Variants in ABCA1 observed in about 807,000 individuals in gnomAD.
ABCA1 encodes ATP binding cassette subfamily A member 1, also known as phospholipid-transporting ATPase ABCA1.
ABCA1 carries 133 observed loss-of-function variants against 262.5 expected under a neutral mutation model. The ratio of observed to expected loss-of-function variants is 0.51; its 90% CI spans 0.44 to 0.59. The LOEUF is 0.59. Among genes scored for constraint, ABCA1 ranks in the 20% least tolerant of loss-of-function variants. The pLI, the probability that ABCA1 is intolerant of heterozygous loss-of-function variation, is 0.00. For synonymous variants in ABCA1, 1,022 were observed against 1,043.5 expected (o/e 0.98, Z 0.40); for missense variants, 2,452 against 2,777.5 (o/e 0.88, Z 2.63).
At chr9:104,899,085 T>C (rs897248314) in intron 2 of ABCA1, among the ~76,000 whole-genome samples, 1 of 152,238 alleles carries the variant, frequency 6.6e-6, no homozygotes, top group African/African-American at 2.4e-5. Flanking sequence ...AGATGCTTAA[T>C]AGATATTTAT....
chr9:104,843,294 T>C (rs1320363354), intron 8 of ABCA1, among the ~76,000 whole-genome samples: 5 of 152,224 alleles, frequency 3.3e-5, no homozygotes, highest in Non-Finnish European at 7.3e-5. Context: ...TGGTCGGTGC[T>C]GGGTGGACAT....
At chr9:104,797,070 C>T (rs1188461812) in intron 37 of ABCA1, among the ~76,000 whole-genome samples, 1 of 152,178 alleles carries the variant, frequency 6.6e-6, no homozygotes, top group African/African-American at 2.4e-5. Flanking sequence ...TCAGTCCAAT[C>T]CTACTTGATG....
At position 104,883,178 on chromosome 9, in the gene ABCA1, G is replaced by C. The variant is rs1317929271; in HGVS notation, c.303-21C>G. On this transcript the variant is annotated intron_variant, in intron 4 of 49. Coordinates refer to ENST00000374736, the MANE Select transcript of ABCA1 (RefSeq NM_005502.4). The stretch of plus-strand genomic sequence containing the variant: ...CCACACTGTAAAGGGTGCAAGAAAA[G>C]GCGAAAGGCTTTAGCTAGGCCAACT... The C allele has an allele frequency of 1.9e-6, 3 of 1,602,340 alleles. No homozygotes were observed. In the East Asian group the frequency reaches 6.7e-5, roughly 36 times the overall value.
In ABCA1 at chr9:104,919,271, A is replaced by C. The variant is rs1460665176; in HGVS notation, c.-93+8664T>G. On this transcript the variant is annotated intron_variant, in intron 1 of 49. Transcript: ENST00000374736. The stretch of plus-strand genomic sequence containing the variant: ...GATGAATGAGCCTGAAGAGTTGGTT[A>C]TGGTTTCCTTTCATCACCTATTGGC... Among the ~76,000 whole-genome samples, 8 of 152,160 alleles carry C rather than the reference A, an allele frequency of 5.3e-5. No homozygotes were observed. The East Asian group carries it at 1.3e-3, about 26-fold the overall frequency.
At chr9:104,885,420 A>C (rs1839078851) in intron 3 of ABCA1, among the ~76,000 whole-genome samples, 1 of 152,108 alleles carries the variant, frequency 6.6e-6, no homozygotes, top group Admixed American at 6.5e-5. Flanking sequence ...TCCATCTGCC[A>C]AACATTTGTC....
chr9:104,843,423 C>T (rs1049603183), intron 8 of ABCA1, among the ~76,000 whole-genome samples: 1 of 152,174 alleles, frequency 6.6e-6, no homozygotes, highest in Non-Finnish European at 1.5e-5. Context: ...TCTGCTAGTG[C>T]GTATTTTCTT....
intron 39 of ABCA1, 40 bp downstream of exon 39, chr9:104,796,013 A>T: frequency 6.2e-7 from 1 of 1,611,900 alleles, no homozygotes; most frequent in Non-Finnish European, 8.5e-7. Flanking sequence ...GCTCCCAGAG[A>T]TGCTCATCCC....
At position 104,831,027 on chromosome 9, in the gene ABCA1, T is replaced by A. The variant is rs2853578; in HGVS notation, c.1790A>T (p.Gln597Leu). Residue 597 changes from glutamine to leucine, a missense_variant, in exon 14 of 50, where the codon CAG (glutamine) becomes CTG (leucine). Coordinates refer to ENST00000374736, the MANE Select transcript of ABCA1 (RefSeq NM_005502.4). ...RYVWGGFAYL[Q>L]DVVEQAIIRV... The stretch of plus-strand genomic sequence containing the variant: ...GATGATTGCCTGCTCCACCACATCC[T>A]GCAAGTAGGCGAAGCCCCCCCAGAC... 6.2e-7 allele frequency: 1 copy of A among 1,613,746 alleles called. No individual in the cohort carries two copies. The highest frequency in any genetic ancestry group is 8.5e-7 in the Non-Finnish European group (1 of 1,179,972).
chr9:104,847,298 G>A (rs1588392442), intron 7 of ABCA1, among the ~76,000 whole-genome samples: 1 of 152,140 alleles, frequency 6.6e-6, no homozygotes, highest in Non-Finnish European at 1.5e-5. Flanking sequence ...AGAACCCTGG[G>A]CAAATGACTC....
Position 104,816,131 on chromosome 9 carries a change from C to G in ABCA1, c.3738+12G>C, listed in dbSNP as rs1244790741. On this transcript the variant is annotated intron_variant, in intron 25 of 49. Transcript: ENST00000374736. ...CTTGCTATATATTCCGACAGTCAGC[C>G]ACTTAACTTACTTCTTCCAGGGTCG... 1 of 1,613,990 alleles carries G rather than the reference C, an allele frequency of 6.2e-7. No individual in the cohort carries two copies. Among genetic ancestry groups the G allele is most frequent in the Non-Finnish European group, 8.5e-7 (1 of 1,180,006 alleles).
Position 104,802,157 on chromosome 9 carries a change from T to C in ABCA1, c.4595A>G (p.Tyr1532Cys), listed in dbSNP as rs1225973801. Residue 1532 changes from tyrosine to cysteine, a missense_variant and splice_region_variant, in exon 34 of 50, where the codon TAT becomes TGT. Around this residue, in one of 4 missense-constraint regions of ABCA1, gnomAD observed 752 missense variants for 944.5 expected, o/e 0.80. Transcript: ENST00000374736. ...ACTGACACCCAGGGAAAAGCCGCCA[T>C]ACCTAAAAGAACAGCCTGACATTAA... ...KNKIWVNEFR[Y>C]GGFSLGVSNT... 5 of 1,613,948 alleles carry C rather than the reference T, an allele frequency of 3.1e-6. No homozygotes were observed. The highest frequency in any genetic ancestry group is 4.2e-6 in the Non-Finnish European group (5 of 1,179,930).
At chr9:104,914,425 G>A (rs1175453) in intron 1 of ABCA1, among the ~76,000 whole-genome samples, 28,431 of 151,224 alleles carry the variant, frequency 0.19, 3,109 homozygotes, top group South Asian at 0.33. Context: ...ACTTGAACCC[G>A]GGAGGCAGAG....
At chr9:104,841,969 G>T (rs192084421) in intron 8 of ABCA1, among the ~76,000 whole-genome samples, 4 of 152,162 alleles carry the variant, frequency 2.6e-5, no homozygotes, top group Admixed American at 2.6e-4. Flanking sequence ...TGTTCACACC[G>T]CCTGGGAAGA....
chr9:104,803,228 C>T lies in ABCA1; in HGVS notation c.4592+56G>A, dbSNP rs532469358. On this transcript the variant is annotated intron_variant, in intron 33 of 49. Transcript: ENST00000374736. Reference sequence around the variant, plus strand: ...CCCCAAGGCTTTCTTCAATCCAAGACACCTACAACACCATCCTCCCCCTGA... The same window carrying T: ...CCCCAAGGCTTTCTTCAATCCAAGATACCTACAACACCATCCTCCCCCTGA... The T allele has an allele frequency of 1.2e-4, 183 of 1,586,826 alleles. No homozygotes were observed. The South Asian group carries it at 1.9e-3, about 17-fold the overall frequency.
chr9:104,846,061 T>C (rs1834846120), intron 7 of ABCA1, among the ~76,000 whole-genome samples: 1 of 152,256 alleles, frequency 6.6e-6, no homozygotes, highest in Non-Finnish European at 1.5e-5. Flanking sequence ...AAATTGAATG[T>C]AGAACACTTA....
chr9:104,824,368 A>C, intron 18 of ABCA1, 97 bp downstream of exon 18: 1 of 1,576,662 alleles, frequency 6.3e-7, no homozygotes, highest in Non-Finnish European at 8.6e-7. Context: ...GTGGTTTCAC[A>C]GTCTTTTAGA....
At chr9:104,862,422 T>C (rs1836504716) in intron 5 of ABCA1, among the ~76,000 whole-genome samples, 1 of 92,954 alleles carries the variant, frequency 1.1e-5, no homozygotes. Context: ...CTCTTCTAAA[T>C]GATCTCACCC....
chr9:104,895,841 T>A (rs1206207823), intron 2 of ABCA1, among the ~76,000 whole-genome samples: 1 of 152,178 alleles, frequency 6.6e-6, no homozygotes, highest in Non-Finnish European at 1.5e-5. Flanking sequence ...TTCTTGAGAT[T>A]TAGCCACGTT....
At position 104,796,383 on chromosome 9, in the gene ABCA1, G is replaced by A; in HGVS notation, c.5163C>T (p.Phe1721=). The A allele has an allele frequency of 6.2e-7, 1 of 1,614,232 alleles. No homozygotes were observed. The highest frequency in any genetic ancestry group is 8.5e-7 in the Non-Finnish European group (1 of 1,180,032). ...VVPATLVIII[F]ICFQQKSYVS... ...CATAGGACTTCTGCTGGAAGCAGATGAAGATGATAATGACCAGTGTGGCAG... is the reference window on the plus strand; with the variant it reads ...CATAGGACTTCTGCTGGAAGCAGATAAAGATGATAATGACCAGTGTGGCAG... The change falls in exon 38 of 50, where the codon TTC becomes TTT. Residue 1721 remains phenylalanine (F), a synonymous_variant. Transcript: ENST00000374736.
Sources: allele counts gnomAD v4.1 joint callset (sites outside exome capture counted in the v4.1 genomes callset), GRCh38; gene constraint gnomAD v4.1.1; regional missense constraint gnomAD v4.1.1; transcripts MANE v1.5; gene names NCBI Gene and HGNC (gene_info 2026-07-23, HGNC 2026-07-21).